The following SLC25A5 variants were observed in gnomAD, a reference collection of about 807,000 sequenced individuals.
SLC25A5 encodes the protein solute carrier family 25 member 5.
Under a neutral mutation model 16.5 loss-of-function variants are expected in SLC25A5, and 4 were observed. The ratio of observed to expected loss-of-function variants is 0.24; its 90% CI spans 0.12 to 0.56. The LOEUF (loss-of-function observed/expected upper bound fraction) is 0.56, where lower values mean the gene tolerates loss of function less well. Among genes scored for constraint, SLC25A5 ranks in the 20% least tolerant of loss-of-function variants. The probability of loss-of-function intolerance (pLI) is 0.93; values close to 1 mark genes in which losing one functional copy is unlikely to be tolerated. For missense variants in SLC25A5, 88 were observed against 248.0 expected (o/e 0.35, Z 4.33); for synonymous variants, 60 against 95.2 (o/e 0.63, Z 2.15).
rs917734158 is a variant in SLC25A5 at position 119,469,167 on chromosome X, C to T, written c.112-494C>T. 4 of 113,269 alleles carry T rather than the reference C, an allele frequency of 3.5e-5. No individual in the cohort carries two copies. In the South Asian group the frequency reaches 1.4e-3, roughly 40 times the overall value. 9.3% of individuals were successfully genotyped at this position (113,269 alleles called of 1,213,427 possible). ...GCCGCTGCCGCCGCGTCTCCGCCTG[C>T]CTCCCTGCGCCGCGCGCTCTCCAGT... On this transcript the variant is annotated intron_variant, in intron 1 of 3. Transcript: ENST00000317881.
intron 1 of SLC25A5, chrX:119,469,091 C>G (rs1009820292): frequency 4.1e-4 from 47 of 115,103 alleles, no homozygotes; most frequent in Non-Finnish European, 8.6e-4. Context: ...GGGCCGGAAG[C>G]CGGCGCCGGG....
rs771437825 is a variant in SLC25A5 at position 119,469,795 on chromosome X, C to T, written c.246C>T (p.Phe82=). The part of the protein sequence containing the change: ...RGNLANVIRY[F]PTQALNFAFK... ...ACCTGGCCAATGTCATCAGATACTT[C>T]CCCACCCAGGCTCTTAACTTCGCCT... The change falls in exon 2 of 4, where the codon TTC becomes TTT. Residue 82 remains phenylalanine (F), a synonymous_variant. Coordinates refer to ENST00000317881, the MANE Select transcript of SLC25A5 (RefSeq NM_001152.5). 1.6e-6 allele frequency: 2 copies of T among 1,212,617 alleles called. No homozygotes were observed. The highest frequency in any genetic ancestry group is 4.3e-5 in the Admixed American group (2 of 46,183).
chrX:119,469,141 G>A (rs769805459), intron 1 of SLC25A5: 3 of 113,348 alleles, frequency 2.6e-5, no homozygotes, highest in African/African-American at 9.6e-5. Context: ...GCGCAGCCGC[G>A]GCCGCTGCCG....
rs1303278827 is a variant in SLC25A5 at position 119,468,482 on chromosome X, TC to T, written c.-31del. The T allele has an allele frequency of 6.9e-6, 8 of 1,154,868 alleles. No individual in the cohort carries two copies. Among genetic ancestry groups the T allele is most frequent in the Non-Finnish European group, 9.4e-6 (8 of 848,341 alleles). On this transcript the variant is annotated 5_prime_UTR_variant, in exon 1 of 4. Coordinates refer to ENST00000317881, the MANE Select transcript of SLC25A5 (RefSeq NM_001152.5). ...GAGTCAAAGCCGGTTCCCGGCCCAG[TC>T]CCGTCCTGCAGCAGTCTGCCTCCTC...
chrX:119,469,419 TC>T, intron 1 of SLC25A5: 1 of 359,205 alleles, frequency 2.8e-6, no homozygotes, highest in Non-Finnish European at 4.9e-6. Flanking sequence ...AGGTCACGGG[TC>T]CGCTGGAGGA....
chrX:119,469,097 C>T (rs1337561368), intron 1 of SLC25A5: 1 of 114,872 alleles, frequency 8.7e-6, no homozygotes, highest in African/African-American at 3.2e-5. Flanking sequence ...GAAGCCGGCG[C>T]CGGGAAGCGC....
intron 2 of SLC25A5, 54 bp from the exon 3 acceptor site, chrX:119,470,319 A>G: frequency 8.5e-7 from 1 of 1,182,432 alleles, no homozygotes; most frequent in South Asian, 1.8e-5. Flanking sequence ...ATGTGGGGAA[A>G]GGAAGTCAGT....
intron 1 of SLC25A5, 140 bp from the exon 2 acceptor site, chrX:119,469,520 TC>T (rs1289507248): frequency 1.4e-6 from 1 of 701,911 alleles, no homozygotes; most frequent in African/African-American, 2.2e-5. Context: ...GTTGGGAGGG[TC>T]CAGCCAGTAT....
rs377721882 is a variant in SLC25A5 at position 119,470,937 on chromosome X, G to T, written c.776G>T (p.Arg259Leu). Residue 259 changes from arginine to leucine, a missense_variant, in exon 4 of 4, where the codon CGG becomes CTG. Coordinates refer to ENST00000317881, the MANE Select transcript of SLC25A5 (RefSeq NM_001152.5). ...TACACAGGCACGCTTGACTGCTGGC[G>T]GAAGATTGCTCGTGATGAAGGAGGC... The part of the protein sequence containing the change: ...IMYTGTLDCW[R>L]KIARDEGGKA... 1 of 1,211,795 alleles carries T rather than the reference G, an allele frequency of 8.3e-7. No individual in the cohort carries two copies. Among genetic ancestry groups the T allele is most frequent in the Non-Finnish European group, 1.1e-6 (1 of 895,076 alleles).
chrX:119,470,269 A>G (rs1390318881), intron 2 of SLC25A5, 104 bp from the exon 3 acceptor site: 1 of 1,113,420 alleles, frequency 9.0e-7, no homozygotes, highest in African/African-American at 1.8e-5. Context: ...AGCCAAGATC[A>G]TCCAATGCAA....
rs1295139928 is a variant in SLC25A5, at chrX:119,470,358, C to G, written c.599-15C>G. 1.1e-6 allele frequency: 1 copy of G among 937,552 alleles called. No homozygotes were observed. The highest frequency in any genetic ancestry group is 1.4e-6 in the Non-Finnish European group (1 of 738,492). The allele number at this position is 937,552 out of a possible 1,213,427, so 77.3% of individuals were successfully genotyped here. ...ACTCTGCTTTTTGGTAAAAGCATCTCTTTCCTATTCCCAGGAATGCTTCCG... is the reference window on the plus strand; with the variant it reads ...ACTCTGCTTTTTGGTAAAAGCATCTGTTTCCTATTCCCAGGAATGCTTCCG... On this transcript the variant is annotated splice_polypyrimidine_tract_variant and intron_variant, in intron 2 of 3. Coordinates refer to ENST00000317881, the MANE Select transcript of SLC25A5 (RefSeq NM_001152.5).
At position 119,469,711 on chromosome X, in the gene SLC25A5, T is replaced by C. The variant is rs2052815099; in HGVS notation, c.162T>C (p.Ile54=). Residue 54 remains isoleucine, a synonymous_variant, in exon 2 of 4, where the codon ATT becomes ATC. Transcript: ENST00000317881. Reference sequence around the variant, plus strand: ...CTGCAGATAAGCAATACAAAGGCATTATAGACTGCGTGGTCCGTATTCCCA... The same window carrying C: ...CTGCAGATAAGCAATACAAAGGCATCATAGACTGCGTGGTCCGTATTCCCA... ...QITADKQYKG[I]IDCVVRIPKE... 3 of 1,211,317 alleles carry C rather than the reference T, an allele frequency of 2.5e-6. No homozygotes were observed. Among genetic ancestry groups the C allele is most frequent in the Admixed American group, 2.2e-5 (1 of 46,108 alleles).
chrX:119,468,945 G>C, intron 1 of SLC25A5: 2 of 266,357 alleles, frequency 7.5e-6, no homozygotes, highest in Non-Finnish European at 1.3e-5. Context: ...GGCGAAGGCC[G>C]AAAGCCGGCG....
chrX:119,469,601 C>G, intron 1 of SLC25A5, 60 bp from the exon 2 acceptor site: 33 of 1,073,798 alleles, frequency 3.1e-5, no homozygotes, highest in Non-Finnish European at 3.9e-5. Context: ...GGCATAAGCT[C>G]TTCTCTTTCC....
rs755824654 is a variant in SLC25A5 at position 119,468,455 on chromosome X, C to A, written c.-61C>A. ...TTTGCTTCGCTCCGCCCCGCAGCGC[C>A]GGAGTCAAAGCCGGTTCCCGGCCCA... On this transcript the variant is annotated 5_prime_UTR_variant, in exon 1 of 4. Transcript: ENST00000317881. 15 of 1,019,038 alleles carry A rather than the reference C, an allele frequency of 1.5e-5. No individual in the cohort carries two copies. The African/African-American group carries it at 2.2e-4, about 15-fold the overall frequency. The allele number at this position is 1,019,038 out of a possible 1,213,427, so 84.0% of individuals were successfully genotyped here.
rs776789765 is a variant in SLC25A5, at chrX:119,469,036, C to G, written c.111+410C>G. 431 of 121,404 alleles carry G rather than the reference C, an allele frequency of 3.6e-3. 2 individuals carry two copies. Among genetic ancestry groups the G allele is most frequent in the Non-Finnish European group, 5.4e-3 (318 of 58,988 alleles). The allele number at this position is 121,404 out of a possible 1,213,427, so 10.0% of individuals were successfully genotyped here. ...AACTGCCCGGGGGAGGCCATGCGCC[C>G]GGGTCCAGCGGCCTCCCAGCCCGCG... On this transcript the variant is annotated intron_variant, in intron 1 of 3. Coordinates refer to ENST00000317881, the MANE Select transcript of SLC25A5 (RefSeq NM_001152.5).
chrX:119,470,285 G>A, intron 2 of SLC25A5, 88 bp from the exon 3 acceptor site: 1 of 1,137,521 alleles, frequency 8.8e-7, no homozygotes, highest in Non-Finnish European at 1.2e-6. Context: ...TGCAACCCTT[G>A]TGTACAGATG....
rs751894682 is a variant in SLC25A5 at position 119,469,889 on chromosome X, G to A, written c.340G>A (p.Ala114Thr). 4.1e-6 allele frequency: 5 copies of A among 1,212,375 alleles called. No individual in the cohort carries two copies. Among genetic ancestry groups the A allele is most frequent in the Admixed American group, 2.2e-5 (1 of 46,145 alleles). ...DKRTQFWLYFAGNLASGGAAG... is the reference protein window; with the variant it reads ...DKRTQFWLYFTGNLASGGAAG... The stretch of plus-strand genomic sequence containing the variant: ...GAGAACCCAGTTTTGGCTCTACTTT[G>A]CAGGGAATCTGGCATCGGGTGGTGC... Residue 114 changes from alanine to threonine, a missense_variant, in exon 2 of 4, where the codon GCA (alanine) becomes ACA (threonine). Ala to Thr is a moderately conservative substitution (Grantham distance 58). Coordinates refer to ENST00000317881, the MANE Select transcript of SLC25A5 (RefSeq NM_001152.5).
At position 119,469,634 on chromosome X, in the gene SLC25A5, C is replaced by G. The variant is rs781428100; in HGVS notation, c.112-27C>G. On this transcript the variant is annotated intron_variant, in intron 1 of 3. Coordinates refer to ENST00000317881, the MANE Select transcript of SLC25A5 (RefSeq NM_001152.5). ...TCCCTTCCCCATGGTTATAACTGTCCCTGTTGGCTTCCTTCCTGTCTGTTA... is the reference window on the plus strand; with the variant it reads ...TCCCTTCCCCATGGTTATAACTGTCGCTGTTGGCTTCCTTCCTGTCTGTTA... 3.8e-6 allele frequency: 4 copies of G among 1,052,023 alleles called. No homozygotes were observed. In the East Asian group the frequency reaches 1.5e-4, roughly 40 times the overall value. The allele number at this position is 1,052,023 out of a possible 1,213,427, so 86.7% of individuals were successfully genotyped here.
Sources: gnomAD v4.1 joint callset for allele counts on GRCh38, gnomAD v4.1.1 for gene constraint, MANE v1.5 for transcripts, NCBI Gene and HGNC (gene_info 2026-07-23, HGNC 2026-07-21) for gene names.